The following CD36 variants were observed in gnomAD, a reference collection of about 807,000 sequenced individuals.
CD36 encodes CD36 molecule (CD36 blood group), also known as platelet glycoprotein 4.
CD36 carries 119 observed loss-of-function variants against 55.2 expected under a neutral mutation model. That is an observed-to-expected ratio of 2.15 (90% confidence interval 1.86 to 2.51). CD36 has a LOEUF of 2.51. Ranked by LOEUF, CD36 falls within the 30% of genes most tolerant of loss-of-function variation. CD36 has a pLI of 0.00. For synonymous variants in CD36, 186 were observed against 193.6 expected, an observed-to-expected ratio of 0.96 and a Z score of 0.33; for missense variants, 819 against 555.5, an observed-to-expected ratio of 1.47 and a Z score of -4.77.
intron 11 of CD36, among the ~76,000 whole-genome samples, chr7:80,672,521 A>G (rs991240391): frequency 6.6e-6 from 1 of 151,700 alleles, no homozygotes; most frequent in African/African-American, 2.4e-5. Flanking sequence ...GATTTTTTAA[A>G]AACCATTTCA....
intron 1 of CD36, among the ~76,000 whole-genome samples, chr7:80,609,344 A>G (rs1198509919): frequency 1.3e-5 from 2 of 152,086 alleles, no homozygotes; most frequent in Admixed American, 6.6e-5. Context: ...CTTGTGATCC[A>G]CTATACCCTC....
intron 9 of CD36, chr7:80,670,579 T>G (rs1455333798): frequency 4.3e-6 from 1 of 233,374 alleles, no homozygotes; most frequent in African/African-American, 2.3e-5. Flanking sequence ...ACGATGGAAA[T>G]GTACCAGGTA....
chr7:80,671,467 G>A (rs1797669432), intron 10 of CD36, among the ~76,000 whole-genome samples: 1 of 152,080 alleles, frequency 6.6e-6, no homozygotes, highest in African/African-American at 2.4e-5. Context: ...GTATTTCCTT[G>A]TGGCTGCTTT....
At position 80,678,640 on chromosome 7, in the gene CD36, G is replaced by C. The variant is rs1251737157; in HGVS notation, c.*2257G>C. On this transcript the variant is annotated 3_prime_UTR_variant, in exon 15 of 15. Transcript: ENST00000447544. ...CTTTGGGAGGCAGGTGGATCACGAGGTCAGGAGATCAAGACCATCCTGGCC... is the reference window on the plus strand; with the variant it reads ...CTTTGGGAGGCAGGTGGATCACGAGCTCAGGAGATCAAGACCATCCTGGCC... The C allele has an allele frequency of 6.6e-6, 1 of 152,168 alleles. No individual in the cohort carries two copies. The highest frequency in any genetic ancestry group is 1.5e-5 in the Non-Finnish European group (1 of 68,104). 9.4% of individuals were successfully genotyped at this position (152,168 alleles called of 1,614,324 possible). A position where few individuals can be genotyped will look rare whatever the true frequency, so the allele number is the denominator to read the frequency against.
intron 5 of CD36, among the ~76,000 whole-genome samples, 154 bp from the exon 6 acceptor site, chr7:80,662,836 C>T (rs1402616290): frequency 2.0e-5 from 3 of 152,066 alleles, no homozygotes; most frequent in Non-Finnish European, 1.5e-5. Context: ...AGGAATTAGA[C>T]GAATTGCATT....
At chr7:80,645,376 G>A (rs1795090399) in intron 1 of CD36, among the ~76,000 whole-genome samples, 1 of 151,536 alleles carries the variant, frequency 6.6e-6, no homozygotes, top group African/African-American at 2.4e-5. Context: ...GCTCACGCCT[G>A]TCATCCCAGC....
At chr7:80,655,738 G>A (rs1441239116) in intron 3 of CD36, among the ~76,000 whole-genome samples, 1 of 152,032 alleles carries the variant, frequency 6.6e-6, no homozygotes, top group Non-Finnish European at 1.5e-5. Context: ...GATTGCTTCA[G>A]CTCAGGAGTT....
At chr7:80,663,344 G>A (rs764136605) in intron 6 of CD36, among the ~76,000 whole-genome samples, 175 bp downstream of exon 6, 5 of 152,052 alleles carry the variant, frequency 3.3e-5, no homozygotes, top group Non-Finnish European at 5.9e-5. Context: ...TCCTAGTTGG[G>A]AAATTCATCT....
chr7:80,638,987 G>A (rs535284083), intron 1 of CD36, among the ~76,000 whole-genome samples: 6 of 151,918 alleles, frequency 3.9e-5, no homozygotes, highest in South Asian at 4.2e-4. Context: ...ATTTCATGTC[G>A]TATGTATAAG....
intron 3 of CD36, among the ~76,000 whole-genome samples, chr7:80,651,666 G>A (rs892583978): frequency 6.6e-6 from 1 of 152,062 alleles, no homozygotes; most frequent in Non-Finnish European, 1.5e-5. Context: ...CTAGTACTTC[G>A]GGAGGCTGAG....
At chr7:80,635,997 C>T (rs1179120837), upstream of CD36, among the ~76,000 whole-genome samples, 1 of 152,134 alleles carries the variant, frequency 6.6e-6, no homozygotes, top group Non-Finnish European at 1.5e-5. Context: ...AAAAACGCAA[C>T]ATTCTAGCAA....
At chr7:80,663,831 T>G (rs1796754803) in intron 6 of CD36, among the ~76,000 whole-genome samples, 1 of 152,164 alleles carries the variant, frequency 6.6e-6, no homozygotes. Context: ...ATGTGAATAT[T>G]ATGTTCTCTA....
At chr7:80,664,907 TTTACTTTTTAA>T (rs1477546115) in intron 7 of CD36, among the ~76,000 whole-genome samples, 7 of 152,066 alleles carry the variant, frequency 4.6e-5, no homozygotes, top group Middle Eastern at 3.2e-3. Flanking sequence ...AAACTTTTTT[TTTACTTTTTAA>T]ATCGAGCATA....
Position 80,654,381 on chromosome 7 carries a change from G to A in CD36, c.121-2159G>A, listed in dbSNP as rs375050657. Among the ~76,000 whole-genome samples, 174 of 152,268 alleles carry A rather than the reference G, an allele frequency of 1.1e-3. 1 individual carries two copies. The highest frequency in any genetic ancestry group is 3.8e-3 in the African/African-American group (156 of 41,570). On this transcript the variant is annotated intron_variant, in intron 3 of 14. Transcript: ENST00000447544. The stretch of plus-strand genomic sequence containing the variant: ...TGTGTACAAACCTAATATGTACCTT[G>A]AGAGGCACTTGATGAATAACAGGTA...
chr7:80,673,886 C>CTTATAGATACTGATG, intron 13 of CD36, 97 bp from the exon 14 acceptor site: 1 of 879,870 alleles, frequency 1.1e-6, no homozygotes, highest in Non-Finnish European at 1.9e-6. Context: ...TGACTAACAC[C>CTTATAGATACTGATG]AATAGAGGTG....
At chr7:80,629,637 A>C (rs1266669741) in intron 1 of CD36, among the ~76,000 whole-genome samples, 3 of 151,988 alleles carry the variant, frequency 2.0e-5, no homozygotes, top group African/African-American at 7.2e-5. Flanking sequence ...TGGAGTTGTG[A>C]AGTCTTGAAA....
chr7:80,619,173 C>T (rs1251551550), intron 1 of CD36, among the ~76,000 whole-genome samples: 2 of 152,172 alleles, frequency 1.3e-5, no homozygotes, highest in African/African-American at 2.4e-5. Context: ...GATGCCAGCA[C>T]ATCCATTTAC....
chr7:80,669,520 T>G (rs1797440766), intron 8 of CD36, among the ~76,000 whole-genome samples: 1 of 152,002 alleles, frequency 6.6e-6, no homozygotes, highest in Non-Finnish European at 1.5e-5. Context: ...ATCCGCCTCC[T>G]GGGTGCAAGC....
At position 80,629,315 on chromosome 7, in the gene CD36, G is replaced by A. The variant is rs114884425; in HGVS notation, c.-183-16773G>A. 4.7e-3 allele frequency among the ~76,000 whole-genome samples: 720 copies of A among 152,074 alleles called. 7 individuals are homozygous for A. The highest frequency in any genetic ancestry group is 0.017 in the African/African-American group (695 of 41,532). On this transcript the variant is annotated intron_variant, in intron 1 of 13. Coordinates refer to the CD36 transcript ENST00000309881. ...CTTCCTCCTTATACATAAGCAGTGG[G>A]GATTGGAATAGAGAATAGATGATGA...
Sources: gnomAD v4.1 joint callset for allele counts (sites outside exome capture counted in the v4.1 genomes callset) on GRCh38, gnomAD v4.1.1 for gene constraint, MANE v1.5 for transcripts, NCBI Gene and HGNC (gene_info 2026-07-23, HGNC 2026-07-21) for gene names.